Variants in CARD10 observed in about 807,000 individuals in gnomAD.
The protein encoded by CARD10 is caspase recruitment domain family member 10.
Under a neutral mutation model 114.6 loss-of-function variants are expected in CARD10, and 49 were observed. The observed-to-expected ratio is 0.43, with a 90% CI of 0.34 to 0.54. The LOEUF is 0.54. Among genes scored for constraint, CARD10 ranks in the 20% least tolerant of loss-of-function variants. CARD10 has a pLI of 0.03. For synonymous variants in CARD10, 602 were observed against 593.2 expected (o/e 1.01, Z -0.21); for missense variants, 1,206 against 1,397.2 (o/e 0.86, Z 2.18).
In CARD10 at chr22:37,496,023, G is replaced by T; in HGVS notation, c.2060-20C>A. ...GGCAGGCTGGGCATGGATGGGGCAG[G>T]GGGCAGCAAGGAGGACAAGAGGAGG... On this transcript the variant is annotated intron_variant, in intron 13 of 19. Coordinates refer to ENST00000251973, the MANE Select transcript of CARD10 (RefSeq NM_014550.4). This position sits in a 1 kb window ranked among gnomAD's most constrained non-coding sequence, Gnocchi z 4.1. The T allele has an allele frequency of 6.2e-7, 1 of 1,611,022 alleles. No individual in the cohort carries two copies.
intron 3 of CARD10, among the ~76,000 whole-genome samples, chr22:37,512,464 T>TCC (rs1923690205): frequency 2.3e-5 from 1 of 43,152 alleles, no homozygotes; most frequent in Non-Finnish European, 4.2e-5. Context: ...CAGCCCCCCC[T>TCC]CCACACACAC....
At position 37,507,729 on chromosome 22, in the gene CARD10, G is replaced by A. The variant is rs115707599; in HGVS notation, c.1191+100C>T. 9.2e-4 allele frequency: 1,335 copies of A among 1,450,926 alleles called. 6 individuals are homozygous for A. The African/African-American group carries it at 0.013, about 15-fold the overall frequency. The allele number at this position is 1,450,926 out of a possible 1,614,324, so 89.9% of individuals were successfully genotyped here. On this transcript the variant is annotated intron_variant, in intron 6 of 19. Coordinates refer to ENST00000251973, the MANE Select transcript of CARD10 (RefSeq NM_014550.4). ...CCTAACCCAACAGGGAGCGGCTAAC[G>A]TCTCTTTCTACCATTCTAGTCCCCT...
At chr22:37,494,492 C>T in intron 15 of CARD10, 3 of 447,296 alleles carry the variant, frequency 6.7e-6, no homozygotes, top group Non-Finnish European at 1.2e-5. Context: ...GACTGAGGCC[C>T]AGAGACCAAG....
intron 7 of CARD10, among the ~76,000 whole-genome samples, chr22:37,505,621 C>G (rs1315650957): frequency 6.8e-6 from 1 of 147,414 alleles, no homozygotes; most frequent in Non-Finnish European, 1.5e-5. Flanking sequence ...CTGGGTGATA[C>G]AGCAAGATTC....
At position 37,492,373 on chromosome 22, in the gene CARD10, G is replaced by C. The variant is rs1359322522; in HGVS notation, c.2751+62C>G. On this transcript the variant is annotated intron_variant, in intron 18 of 19. Coordinates refer to ENST00000251973, the MANE Select transcript of CARD10 (RefSeq NM_014550.4). This position sits in a 1 kb window ranked among gnomAD's most constrained non-coding sequence, Gnocchi z 5.7. ...GCTCAGACGCTGGCGCTCAAGCCCAGAACAGCAGCACCCGCTCTGGGCCAC... is the reference window on the plus strand; with the variant it reads ...GCTCAGACGCTGGCGCTCAAGCCCACAACAGCAGCACCCGCTCTGGGCCAC... 5 of 1,283,130 alleles carry C rather than the reference G, an allele frequency of 3.9e-6. No homozygotes were observed. The highest frequency in any genetic ancestry group is 1.5e-5 in the African/African-American group (1 of 67,420). 79.5% of individuals were successfully genotyped at this position (1,283,130 alleles called of 1,614,324 possible).
In CARD10 at chr22:37,504,214, G is replaced by T; in HGVS notation, c.1606C>A (p.Arg536Ser). ...TTAGGGGGTGCGGGGTCTTCCTCAC[G>T]CTGCCGGCGGAGGATGGAGCCGGCA... ...PSAGSILRRQ[R>S]EEDPAPPKRS... Residue 536 changes from arginine to serine, a missense_variant, in exon 9 of 20, where the codon CGT (arginine) becomes AGT (serine). By Grantham distance (110) the Arg-to-Ser change is moderately radical. This residue lies in a region of CARD10 where 1,068 missense variants were observed against 1,179.1 expected (regional missense o/e 0.91). Coordinates refer to ENST00000251973, the MANE Select transcript of CARD10 (RefSeq NM_014550.4). 6.4e-7 allele frequency: 1 copy of T among 1,570,718 alleles called. No homozygotes were observed. Among genetic ancestry groups the T allele is most frequent in the East Asian group, 2.3e-5 (1 of 42,814 alleles).
chr22:37,505,185 C>T (rs1021441846), intron 7 of CARD10, among the ~76,000 whole-genome samples: 3 of 151,200 alleles, frequency 2.0e-5, no homozygotes, highest in Non-Finnish European at 4.4e-5. Flanking sequence ...CAGAACCAGG[C>T]GAGAGGACAA....
chr22:37,491,953 C>T, intron 18 of CARD10, 86 bp from the exon 19 acceptor site: 2 of 877,578 alleles, frequency 2.3e-6, no homozygotes, highest in South Asian at 1.4e-5. Flanking sequence ...TCCCCTATCA[C>T]CGCCTTCCCA....
In CARD10 at chr22:37,496,850, TC is replaced by T; in HGVS notation, c.1947+168del. 6 of 824,962 alleles carry T rather than the reference TC, an allele frequency of 7.3e-6. No homozygotes were observed. The South Asian group carries it at 1.0e-4, about 14-fold the overall frequency. The allele number at this position is 824,962 out of a possible 1,614,324, so 51.1% of individuals were successfully genotyped here. A position where few individuals can be genotyped will look rare whatever the true frequency, so the allele number is the denominator to read the frequency against. On this transcript the variant is annotated intron_variant, in intron 12 of 19. Coordinates refer to ENST00000251973, the MANE Select transcript of CARD10 (RefSeq NM_014550.4). The surrounding 1 kb of genome is among the most constrained non-coding windows in gnomAD (Gnocchi z 4.1). ...CTCCCAGTCCCTGCCCAATCAGACT[TC>T]AATTAAGCCTGGCTGAGCAGGCAAC...
intron 4 of CARD10, 116 bp from the exon 5 acceptor site, chr22:37,508,798 T>TG: frequency 1.6e-6 from 2 of 1,288,096 alleles, no homozygotes; most frequent in Middle Eastern, 2.3e-4. Flanking sequence ...AGCTCTGCCA[T>TG]GCTGGCCCGG....
intron 6 of CARD10, 126 bp from the exon 7 acceptor site, chr22:37,506,509 G>A (rs1022107172): frequency 2.9e-5 from 17 of 591,408 alleles, no homozygotes; most frequent in African/African-American, 1.5e-4. Flanking sequence ...ACTGTGTGCC[G>A]GGCCCTGAGC....
intron 3 of CARD10, among the ~76,000 whole-genome samples, chr22:37,513,457 G>T (rs577663767): frequency 3.3e-5 from 5 of 152,100 alleles, no homozygotes; most frequent in Admixed American, 6.5e-5. Flanking sequence ...GCCACTCTGC[G>T]TAGAGGCAGA....
rs1477211195 is a variant in CARD10, at chr22:37,518,991, G to A, written c.210C>T (p.Arg70=). 6.4e-7 allele frequency: 1 copy of A among 1,563,508 alleles called. No individual in the cohort carries two copies. Among genetic ancestry groups the A allele is most frequent in the Admixed American group, 1.8e-5 (1 of 56,954 alleles). ...CGGTGCGGTTGACGCGGCACGGGAA[G>A]CGGTAGGTGCTCAGCACCTCCTCCT... is the stretch of plus-strand genomic sequence containing the variant. ...QDEEEVLSTY[R]FPCRVNRTGR... is the part of the protein sequence containing the mutation. The change falls in exon 1 of 20, where the codon CGC becomes CGT. Residue 70 remains arginine, a synonymous_variant. Coordinates refer to ENST00000251973, the MANE Select transcript of CARD10 (RefSeq NM_014550.4).
chr22:37,491,438 C>A, intron 19 of CARD10, 45 bp from the exon 20 acceptor site: 3 of 1,361,952 alleles, frequency 2.2e-6, no homozygotes, highest in Non-Finnish European at 2.9e-6. Context: ...GGGACCAAGA[C>A]AGACAGAGAG....
Position 37,501,398 on chromosome 22 carries a change from C to T in CARD10, c.1787+1204G>A, listed in dbSNP as rs1301467806. Among the ~76,000 whole-genome samples, 1 of 152,106 alleles carries T rather than the reference C, an allele frequency of 6.6e-6. No individual in the cohort carries two copies. The highest frequency in any genetic ancestry group is 6.5e-5 in the Admixed American group (1 of 15,278). On this transcript the variant is annotated intron_variant, in intron 11 of 19. Coordinates refer to ENST00000251973, the MANE Select transcript of CARD10 (RefSeq NM_014550.4). The surrounding 1 kb of genome is among the most constrained non-coding windows in gnomAD (Gnocchi z 5.4). ...GGGCCGAGGCGAGCAGGAAGGGAGG[C>T]GCCTCCACCCCTTCCCCGAGAAGCA...
In CARD10 at chr22:37,508,591, T is replaced by G; in HGVS notation, c.1001A>C (p.Glu334Ala). The G allele has an allele frequency of 6.3e-7, 1 of 1,591,374 alleles. No individual in the cohort carries two copies. The highest frequency in any genetic ancestry group is 8.5e-7 in the Non-Finnish European group (1 of 1,173,832). Residue 334 changes from glutamate to alanine, a missense_variant, in exon 5 of 20, where the codon GAG becomes GCG. By Grantham distance (107) the Glu-to-Ala change is moderately radical. This residue lies in a region of CARD10 where 1,068 missense variants were observed against 1,179.1 expected (regional missense o/e 0.91). Transcript: ENST00000251973. ...CACGGCATGCAGCTTCTGGCACAGC[T>G]CCTGCCTGCTGTCCTGCGCCTCCCG... Reference protein sequence around the residue: ...DWREAQDSRQELCQKLHAVQG... With the variant: ...DWREAQDSRQALCQKLHAVQG...
chr22:37,518,993 G>C lies in CARD10; in HGVS notation c.208C>G (p.Arg70Gly), dbSNP rs569899430. The C allele has an allele frequency of 1.3e-6, 2 of 1,568,390 alleles. No homozygotes were observed. Among genetic ancestry groups the C allele is most frequent in the African/African-American group, 1.4e-5 (1 of 73,824 alleles). The part of the protein sequence containing the change: ...QDEEEVLSTY[R>G]FPCRVNRTGR... ...GTGCGGTTGACGCGGCACGGGAAGC[G>C]GTAGGTGCTCAGCACCTCCTCCTCG... is the stretch of plus-strand genomic sequence containing the variant. The change falls in exon 1 of 20, where the codon CGC (arginine) becomes GGC (glycine). Residue 70 changes from arginine to glycine, a missense_variant. Coordinates refer to ENST00000251973, the MANE Select transcript of CARD10 (RefSeq NM_014550.4).
chr22:37,498,096 G>A (rs1180478748), intron 11 of CARD10, among the ~76,000 whole-genome samples: 2 of 152,174 alleles, frequency 1.3e-5, no homozygotes, highest in Admixed American at 6.5e-5. Context: ...AACACAGGAT[G>A]CGTGGAAGAA....
chr22:37,494,306 A>G (rs1015135784), intron 15 of CARD10, 118 bp from the exon 16 acceptor site: 13 of 671,070 alleles, frequency 1.9e-5, no homozygotes, highest in Non-Finnish European at 3.1e-5. Context: ...CAGGCTTGCC[A>G]GAAGAGCCTG....
Sources: allele counts gnomAD v4.1 joint callset (sites outside exome capture counted in the v4.1 genomes callset), GRCh38; gene constraint gnomAD v4.1.1; regional missense constraint gnomAD v4.1.1; non-coding constraint Gnocchi (gnomAD v3.1); transcripts MANE v1.5; gene names NCBI Gene and HGNC (gene_info 2026-07-23, HGNC 2026-07-21).